Variants in RALGDS observed in about 807,000 individuals in gnomAD.
The protein encoded by RALGDS is ral guanine nucleotide dissociation stimulator, also known as ral guanine nucleotide exchange factor.
A neutral mutation model predicts 99.8 loss-of-function variants in RALGDS; 44 were observed. The observed-to-expected ratio is 0.44, with a 90% confidence interval of 0.35 to 0.57. RALGDS has a LOEUF of 0.57. RALGDS is among the 20% of genes least tolerant of loss of function. The pLI is 0.01. For missense variants in RALGDS, 1,022 were observed against 1,203.1 expected (o/e 0.85, Z 2.23); for synonymous variants, 529 against 505.0 (o/e 1.05, Z -0.64).
upstream of RALGDS, among the ~76,000 whole-genome samples, chr9:133,124,966 G>A (rs1472285811): frequency 6.6e-6 from 1 of 152,210 alleles, no homozygotes; most frequent in African/African-American, 2.4e-5. Flanking sequence ...ACACCACAAG[G>A]GTGCAATCCA....
chr9:133,138,484 T>C lies in RALGDS; in HGVS notation c.18+10479A>G, dbSNP rs528375187. On this transcript the variant is annotated intron_variant, in intron 1 of 17. Coordinates refer to the RALGDS transcript ENST00000393160. ...CCTCCAAGAGCTGTTCAGGTCTCCA[T>C]GCCAGCATCATGGTGGGCAGCTGGG... 6.4e-4 allele frequency among the ~76,000 whole-genome samples: 97 copies of C among 152,280 alleles called. 1 individual carries two copies. The highest frequency in any genetic ancestry group is 2.2e-3 in the African/African-American group (92 of 41,562).
intron 1 of RALGDS, among the ~76,000 whole-genome samples, chr9:133,115,002 T>TG (rs1267178967): frequency 2.0e-5 from 3 of 152,180 alleles, no homozygotes; most frequent in Admixed American, 6.5e-5. Flanking sequence ...CTGGTGAGTG[T>TG]GTCACCTGAT....
intron 1 of RALGDS, among the ~76,000 whole-genome samples, chr9:133,120,428 A>ACCCCCCCCCCCCCCCCC (rs71378548): frequency 3.5e-4 from 21 of 60,034 alleles, no homozygotes; most frequent in Non-Finnish European, 5.4e-4. Context: ...CCATCCCCCG[A>ACCCCCCCCCCCCCCCCC]CCCCCCCCCC....
At chr9:133,108,975 C>T in intron 4 of RALGDS, 109 bp from the exon 5 acceptor site, 2 of 1,103,862 alleles carry the variant, frequency 1.8e-6, no homozygotes, top group Middle Eastern at 2.8e-4. Flanking sequence ...CCGGCCCAAG[C>T]CCCCTTGGCT....
At chr9:133,109,517 G>T in intron 4 of RALGDS, 109 bp downstream of exon 4, 1 of 999,664 alleles carries the variant, frequency 1.0e-6, no homozygotes, top group South Asian at 1.3e-5. Context: ...CAAGAGGTGT[G>T]GGAGCCAGGG....
chr9:133,109,288 G>A (rs1831224213), intron 4 of RALGDS, among the ~76,000 whole-genome samples: 1 of 152,184 alleles, frequency 6.6e-6, no homozygotes, highest in Non-Finnish European at 1.5e-5. Context: ...ACTATTGAGG[G>A]GTGAGGCAAT....
At chr9:133,143,234 C>G (rs1020708381) in intron 1 of RALGDS, among the ~76,000 whole-genome samples, 2 of 152,242 alleles carry the variant, frequency 1.3e-5, no homozygotes, top group African/African-American at 4.8e-5. Context: ...CCCATGCCTT[C>G]TCCACAAGAT....
At chr9:133,106,822 C>A in intron 7 of RALGDS, 74 bp from the exon 8 acceptor site, 1 of 1,183,620 alleles carries the variant, frequency 8.4e-7, no homozygotes, top group Non-Finnish European at 1.2e-6. Context: ...CCCCCTTGGC[C>A]AAGCCTCCCC....
At chr9:133,104,491 C>T (rs1830919787) in intron 9 of RALGDS, 160 bp from the exon 10 acceptor site, 2 of 672,608 alleles carry the variant, frequency 3.0e-6, no homozygotes, top group East Asian at 5.5e-5. Flanking sequence ...CCTGAGCCTG[C>T]CTCCCCCTCT....
At chr9:133,132,781 A>C (rs1461651019), upstream of RALGDS, among the ~76,000 whole-genome samples, 1 of 152,098 alleles carries the variant, frequency 6.6e-6, no homozygotes, top group Non-Finnish European at 1.5e-5. Context: ...CTGGGATAAC[A>C]GGCATGCGGC....
At chr9:133,100,421 C>G in intron 16 of RALGDS, 39 bp from the exon 17 acceptor site, 2 of 1,611,866 alleles carry the variant, frequency 1.2e-6, no homozygotes, top group South Asian at 2.2e-5. Context: ...GGGAAAAGAC[C>G]CTGGAGCGGC....
chr9:133,129,685 G>A (rs1055393156), intron 1 of RALGDS, among the ~76,000 whole-genome samples: 15 of 152,166 alleles, frequency 9.9e-5, no homozygotes, highest in Admixed American at 5.2e-4. Context: ...CCAGGCGGAT[G>A]TGAGTCTAGC....
rs143850838 is a variant in RALGDS, at chr9:133,102,838, C to A, written c.1854G>T (p.Ala618=). Residue 618 remains alanine (A), a synonymous_variant, in exon 13 of 18, where the codon GCG becomes GCT. Coordinates refer to ENST00000372050, the MANE Select transcript of RALGDS (RefSeq NM_006266.4). ...ACCAGGCCCCAAATTGCTCATCTGG[C>A]GCGATGCTGTAGTTGTTGCAGGCCG... The part of the protein sequence containing the change: ...LQSACNNYSI[A]PDEQFGAWFR... The A allele has an allele frequency of 9.3e-6, 15 of 1,613,498 alleles. No homozygotes were observed. The Admixed American group carries it at 1.7e-4, about 18-fold the overall frequency.
In RALGDS at chr9:133,101,396, G is replaced by A. The variant is rs567497538; in HGVS notation, c.2454+124C>T. The A allele has an allele frequency of 3.5e-5, 55 of 1,566,940 alleles. No homozygotes were observed. The South Asian group carries it at 5.8e-4, about 17-fold the overall frequency. Reference sequence around the variant, plus strand: ...ACTACCTTCTTCATTTCTGTACCTGGCTGACATCTGTCCTTCCCCGCCAAC... The same window carrying A: ...ACTACCTTCTTCATTTCTGTACCTGACTGACATCTGTCCTTCCCCGCCAAC... On this transcript the variant is annotated intron_variant, in intron 16 of 17. Transcript: ENST00000372050.
At position 133,108,204 on chromosome 9, in the gene RALGDS, C is replaced by G. The variant is rs200208563; in HGVS notation, c.981G>C (p.Ser327=). The change falls in exon 6 of 18, where the codon TCG becomes TCC. Residue 327 remains serine (S), a synonymous_variant. Transcript: ENST00000372050. Reference sequence around the variant, plus strand: ...CTAGTTCCAGAGCTGGCGCTGGAGCCGATTCTAGTCCCACAGCTGGCTCTG... The same window carrying G: ...CTAGTTCCAGAGCTGGCGCTGGAGCGGATTCTAGTCCCACAGCTGGCTCTG... ...QAPEPAVGLE[S]APAPALELEP... 1 of 1,613,054 alleles carries G rather than the reference C, an allele frequency of 6.2e-7. No homozygotes were observed. Among genetic ancestry groups the G allele is most frequent in the Non-Finnish European group, 8.5e-7 (1 of 1,179,860 alleles).
At chr9:133,135,827 C>CA (rs923845089), upstream of RALGDS, among the ~76,000 whole-genome samples, 38 of 152,230 alleles carry the variant, frequency 2.5e-4, no homozygotes, top group African/African-American at 6.5e-4. Flanking sequence ...TGCTCCGTGT[C>CA]AAAAAAATGG....
At chr9:133,114,166 G>C (rs1411525837) in intron 1 of RALGDS, among the ~76,000 whole-genome samples, 1 of 152,194 alleles carries the variant, frequency 6.6e-6, no homozygotes, top group Non-Finnish European at 1.5e-5. Flanking sequence ...CCAGCCGGGT[G>C]GTGGGGAAGG....
chr9:133,143,548 G>C (rs1832559934), intron 1 of RALGDS, among the ~76,000 whole-genome samples: 1 of 151,978 alleles, frequency 6.6e-6, no homozygotes. Flanking sequence ...TTGAGCCCAG[G>C]TGTTTGAGAC....
Position 133,121,190 on chromosome 9 carries a change from CGCGCGGCGGGGGCGGCG to C in RALGDS, c.-53_-37del, listed in dbSNP as rs987382779. The C allele has an allele frequency of 1.4e-5, 13 of 897,896 alleles. No homozygotes were observed. The highest frequency in any genetic ancestry group is 1.9e-5 in the African/African-American group (1 of 53,840). 55.6% of individuals were successfully genotyped at this position (897,896 alleles called of 1,614,324 possible). A position where few individuals can be genotyped will look rare whatever the true frequency, so the allele number is the denominator to read the frequency against. The stretch of plus-strand genomic sequence containing the variant: ...CAGCGCGGGCGCGGGGCCGGCCCGG[CGCGCGGCGGGGGCGGCG>C]GCGCGGCCCGCGCGGCTGGGCTTTG... On this transcript the variant is annotated 5_prime_UTR_variant, in exon 1 of 18. Coordinates refer to ENST00000372050, the MANE Select transcript of RALGDS (RefSeq NM_006266.4).
Sources: allele counts gnomAD v4.1 joint callset (sites outside exome capture counted in the v4.1 genomes callset), GRCh38; gene constraint gnomAD v4.1.1; transcripts MANE v1.5; gene names NCBI Gene and HGNC (gene_info 2026-07-23, HGNC 2026-07-21).